Variants in LRGUK observed in about 807,000 individuals in gnomAD.
LRGUK encodes the protein leucine-rich repeat and guanylate kinase domain-containing protein.
Under a neutral mutation model 76.0 loss-of-function variants are expected in LRGUK, and 65 were observed. The ratio of observed to expected loss-of-function variants is 0.85; its 90% CI spans 0.70 to 1.05. The LOEUF is 1.05. Among genes scored for constraint, LRGUK ranks in the 50% least tolerant of loss-of-function variants. The pLI, the probability that LRGUK is intolerant of heterozygous loss-of-function variation, is 0.00. For synonymous variants in LRGUK, 268 were observed against 265.6 expected (o/e 1.01, Z -0.09); for missense variants, 758 against 732.8 (o/e 1.03, Z -0.40).
chr7:134,167,007 C>A (rs970676274), intron 7 of LRGUK, among the ~76,000 whole-genome samples: 1 of 152,198 alleles, frequency 6.6e-6, no homozygotes, highest in Non-Finnish European at 1.5e-5. Flanking sequence ...AAGGGTTGGA[C>A]TGGGTGAGTC....
chr7:134,222,013 C>T, intron 16 of LRGUK, 95 bp downstream of exon 16: 1 of 1,194,994 alleles, frequency 8.4e-7, no homozygotes, highest in Non-Finnish European at 1.1e-6. Flanking sequence ...TAAGTTTCCC[C>T]AAAATTATTC....
At chr7:134,169,763 G>A (rs889594842) in intron 7 of LRGUK, among the ~76,000 whole-genome samples, 1 of 152,052 alleles carries the variant, frequency 6.6e-6, no homozygotes, top group Admixed American at 6.5e-5. Flanking sequence ...GAATGGATAA[G>A]TCAGGATTTA....
At chr7:134,138,172 A>C (rs1797613409) in intron 2 of LRGUK, among the ~76,000 whole-genome samples, 1 of 152,238 alleles carries the variant, frequency 6.6e-6, no homozygotes, top group Non-Finnish European at 1.5e-5. Flanking sequence ...CAGCCAGTGC[A>C]TCCCCACACA....
intron 16 of LRGUK, among the ~76,000 whole-genome samples, chr7:134,240,381 A>G (rs1247729882): frequency 6.6e-6 from 1 of 152,250 alleles, no homozygotes; most frequent in Non-Finnish European, 1.5e-5. Context: ...GCTGAAAACC[A>G]TGGCACAAGA....
chr7:134,242,384 C>G lies in LRGUK; in HGVS notation c.1984-5172C>G, dbSNP rs187908484. Among the ~76,000 whole-genome samples, 626 of 152,214 alleles carry G rather than the reference C, an allele frequency of 4.1e-3. 7 individuals carry two copies. Among genetic ancestry groups the G allele is most frequent in the African/African-American group, 0.014 (575 of 41,504 alleles). ...GATAAAGGGGATATCACCATGGATC[C>G]CACAGAAATACAAACTACCATCAGA... is the stretch of plus-strand genomic sequence containing the variant. On this transcript the variant is annotated intron_variant, in intron 16 of 19. Coordinates refer to the LRGUK transcript ENST00000285928.
rs762785276 is a variant in LRGUK, at chr7:134,221,910, A to C, written c.1975A>C (p.Thr659Pro). ...TTGGGCCAAACTTTCAGCCAAAAAA[A>C]CACCAGCGGTAAGAGAGGAATAGAA... is the stretch of plus-strand genomic sequence containing the variant. The change falls in exon 16 of 20, where the codon ACA becomes CCA. Residue 659 changes from threonine (T) to proline (P), a missense_variant. Coordinates refer to the LRGUK transcript ENST00000285928. 3 of 1,594,942 alleles carry C rather than the reference A, an allele frequency of 1.9e-6. No homozygotes were observed. Among genetic ancestry groups the C allele is most frequent in the African/African-American group, 2.7e-5 (2 of 73,560 alleles).
At chr7:134,193,968 C>T (rs1800371586) in intron 12 of LRGUK, among the ~76,000 whole-genome samples, 1 of 152,138 alleles carries the variant, frequency 6.6e-6, no homozygotes. Context: ...AGACACTTCC[C>T]CCACAACACA....
intron 11 of LRGUK, among the ~76,000 whole-genome samples, chr7:134,188,704 G>C (rs1800076126): frequency 6.6e-6 from 1 of 152,130 alleles, no homozygotes; most frequent in Admixed American, 6.6e-5. Flanking sequence ...TTACCTCCCA[G>C]ATTCCTCTAG....
At chr7:134,160,216 A>G (rs1563152732) in intron 6 of LRGUK, among the ~76,000 whole-genome samples, 1 of 152,178 alleles carries the variant, frequency 6.6e-6, no homozygotes, top group African/African-American at 2.4e-5. Flanking sequence ...GAATTATAAT[A>G]CGTAGCATTT....
At chr7:134,265,511 C>T (rs772548417), downstream of LRGUK, among the ~76,000 whole-genome samples, 3 of 152,072 alleles carry the variant, frequency 2.0e-5, no homozygotes, top group Non-Finnish European at 2.9e-5. Context: ...AAAGCCCCAG[C>T]GAAAGCCCAC....
chr7:134,200,244 C>T (rs1434285947), intron 14 of LRGUK, among the ~76,000 whole-genome samples: 6 of 151,402 alleles, frequency 4.0e-5, no homozygotes, highest in African/African-American at 1.5e-4. Flanking sequence ...ACCATGTTGT[C>T]CAGGCTGGTC....
At chr7:134,133,738 C>G (rs745488606) in intron 1 of LRGUK, among the ~76,000 whole-genome samples, 1 of 152,058 alleles carries the variant, frequency 6.6e-6, no homozygotes, top group African/African-American at 2.4e-5. Flanking sequence ...GAACAAGGAT[C>G]AGAGACTTGA....
At chr7:134,180,980 G>C (rs1799715884) in intron 10 of LRGUK, among the ~76,000 whole-genome samples, 2 of 152,056 alleles carry the variant, frequency 1.3e-5, no homozygotes, top group African/African-American at 2.4e-5. Flanking sequence ...TCATATAAGT[G>C]TCAACCACCC....
chr7:134,274,311 A>G, the LRGUK span, among the ~76,000 whole-genome samples: 11 of 152,274 alleles, frequency 7.2e-5, no homozygotes, highest in South Asian at 2.3e-3. Flanking sequence ...TTTCTTCCTT[A>G]TAAGTTCTAG....
chr7:134,173,985 TGTAATCTCAGCTACTCAGGAG>T (rs1450369841), intron 7 of LRGUK, among the ~76,000 whole-genome samples: 1 of 151,922 alleles, frequency 6.6e-6, no homozygotes, highest in Non-Finnish European at 1.5e-5. Context: ...GGTGTGTGCC[TGTAATCTCAGCTACTCAGGAG>T]GCTGAGGCAG....
chr7:134,132,267 A>G (rs1167602569), intron 1 of LRGUK, among the ~76,000 whole-genome samples: 3 of 152,182 alleles, frequency 2.0e-5, no homozygotes, highest in Admixed American at 6.5e-5. Context: ...AGGCAAAAGG[A>G]TCACTCGAGT....
chr7:134,206,313 G>A (rs1380712773), intron 15 of LRGUK, among the ~76,000 whole-genome samples: 4 of 152,074 alleles, frequency 2.6e-5, no homozygotes, highest in Non-Finnish European at 4.4e-5. Context: ...TCAGGAGGTC[G>A]AGACCATCCT....
At chr7:134,274,609 T>C in the LRGUK span, among the ~76,000 whole-genome samples, 5 of 152,200 alleles carry the variant, frequency 3.3e-5, no homozygotes, top group African/African-American at 1.2e-4. Context: ...CTCTTTCTTA[T>C]ATATCAAATA....
intron 12 of LRGUK, among the ~76,000 whole-genome samples, chr7:134,193,942 C>T (rs1800369804): frequency 6.6e-6 from 1 of 152,142 alleles, no homozygotes; most frequent in Non-Finnish European, 1.5e-5. Flanking sequence ...CACACAGGGG[C>T]CTCCTCTATC....
Sources: gnomAD v4.1 joint callset for allele counts (sites outside exome capture counted in the v4.1 genomes callset) on GRCh38, gnomAD v4.1.1 for gene constraint, MANE v1.5 for transcripts, NCBI Gene and HGNC (gene_info 2026-07-23, HGNC 2026-07-21) for gene names.